Variants in USP14 observed in about 807,000 individuals in gnomAD.
The protein encoded by USP14 is ubiquitin carboxyl-terminal hydrolase 14.
A neutral mutation model predicts 76.5 loss-of-function variants in USP14; 38 were observed. The ratio of observed to expected loss-of-function variants is 0.50; its 90% CI spans 0.38 to 0.65. The LOEUF (loss-of-function observed/expected upper bound fraction) is 0.65. USP14 is among the 30% of genes least tolerant of loss of function. USP14 has a pLI of 0.00. For missense variants in USP14, 467 were observed against 586.5 expected (o/e 0.80, Z 2.10); for synonymous variants, 192 against 191.7 (o/e 1.00, Z -0.01).
At chr18:164,697 G>A (rs1909220684) in intron 2 of USP14, among the ~76,000 whole-genome samples, 1 of 152,036 alleles carries the variant, frequency 6.6e-6, no homozygotes, top group African/African-American at 2.4e-5. Context: ...CAAGTGATCT[G>A]CCCACCTTGG....
intron 13 of USP14, among the ~76,000 whole-genome samples, chr18:205,171 C>G (rs146296760): frequency 1.3e-5 from 2 of 152,302 alleles, no homozygotes; most frequent in African/African-American, 2.4e-5. Context: ...GGCACCACAC[C>G]TGGCCTTTAG....
rs1910718847 is a variant in USP14 at position 213,124 on chromosome 18, A to G, written c.*1840A>G. On this transcript the variant is annotated 3_prime_UTR_variant, in exon 16 of 16. Coordinates refer to ENST00000261601, the MANE Select transcript of USP14 (RefSeq NM_005151.4). Reference sequence around the variant, plus strand: ...CCATGAAAATTATAATGATTCATGTATATTTGTATGATGCTTGTAACTTTG... The same window carrying G: ...CCATGAAAATTATAATGATTCATGTGTATTTGTATGATGCTTGTAACTTTG... 6.6e-6 allele frequency: 1 copy of G among 152,130 alleles called. No homozygotes were observed. The highest frequency in any genetic ancestry group is 1.5e-5 in the Non-Finnish European group (1 of 68,024). The allele number at this position is 152,130 out of a possible 1,614,324, so 9.4% of individuals were successfully genotyped here. A position where few individuals can be genotyped will look rare whatever the true frequency, so the allele number is the denominator to read the frequency against.
At chr18:209,386 G>T (rs1277706218) in intron 13 of USP14, among the ~76,000 whole-genome samples, 1 of 152,138 alleles carries the variant, frequency 6.6e-6, no homozygotes, top group African/African-American at 2.4e-5. Context: ...TGTATTCCTA[G>T]ATAAGTTATT....
At chr18:169,496 T>C (rs758534846) in intron 3 of USP14, among the ~76,000 whole-genome samples, 5 of 152,154 alleles carry the variant, frequency 3.3e-5, no homozygotes, top group Non-Finnish European at 7.4e-5. Flanking sequence ...TTTTTTTTCT[T>C]TTTTTCTGTT....
rs117405005 is a variant in USP14, at chr18:178,216, C to T, written c.196-717C>T. ...GGTATTTTTTGTAGAGATGGGATTT[C>T]GCCATGTTGCCCAGGCTAGTCTTGA... On this transcript the variant is annotated intron_variant, in intron 3 of 15. Coordinates refer to ENST00000261601, the MANE Select transcript of USP14 (RefSeq NM_005151.4). 6.2e-3 allele frequency among the ~76,000 whole-genome samples: 936 copies of T among 152,170 alleles called. 35 individuals carry two copies. Among genetic ancestry groups the T allele is most frequent in the Admixed American group, 0.051 (776 of 15,268 alleles).
intron 3 of USP14, among the ~76,000 whole-genome samples, chr18:173,232 C>T (rs1268452305): frequency 2.6e-5 from 4 of 151,096 alleles, no homozygotes; most frequent in Non-Finnish European, 3.0e-5. Flanking sequence ...CTCAGCCTCC[C>T]GAGTAGCTGG....
chr18:199,313 A>T lies in USP14; in HGVS notation c.873A>T (p.Lys291Asn). Residue 291 changes from lysine to asparagine, a missense_variant, in exon 10 of 16, where the codon AAA (lysine) becomes AAT (asparagine). By Grantham distance (94) the Lys-to-Asn change is moderately conservative. Coordinates refer to ENST00000261601, the MANE Select transcript of USP14 (RefSeq NM_005151.4). Reference sequence around the variant, plus strand: ...TCAAGTATCTTTTTACAGGACTTAAATTGGTAAGGACAATCTCAGTCCATC... The same window carrying T: ...TCAAGTATCTTTTTACAGGACTTAATTTGGTAAGGACAATCTCAGTCCATC... ...QEVKYLFTGL[K>N]LRLQEEITKQ... is the part of the protein sequence containing the mutation. The T allele has an allele frequency of 6.2e-7, 1 of 1,600,362 alleles. No homozygotes were observed. Among genetic ancestry groups the T allele is most frequent in the Non-Finnish European group, 8.6e-7 (1 of 1,167,872 alleles).
chr18:169,205 A>G (rs1310241800), intron 3 of USP14, among the ~76,000 whole-genome samples: 3 of 152,042 alleles, frequency 2.0e-5, no homozygotes, highest in Admixed American at 1.3e-4. Context: ...AGCCTGGCCA[A>G]CATGGTGAAA....
At position 210,580 on chromosome 18, in the gene USP14, T is replaced by C. The variant is rs993753415; in HGVS notation, c.1333+87T>C. On this transcript the variant is annotated intron_variant, in intron 15 of 15. Coordinates refer to ENST00000261601, the MANE Select transcript of USP14 (RefSeq NM_005151.4). Reference sequence around the variant, plus strand: ...TTATAGCAGTGTGGTTTTCAAACTTTGGGTCTCAGAACCACTTTACATTCT... The same window carrying C: ...TTATAGCAGTGTGGTTTTCAAACTTCGGGTCTCAGAACCACTTTACATTCT... 52 of 996,790 alleles carry C rather than the reference T, an allele frequency of 5.2e-5. No individual in the cohort carries two copies. The East Asian group carries it at 1.4e-3, about 27-fold the overall frequency. The allele number at this position is 996,790 out of a possible 1,614,324, so 61.7% of individuals were successfully genotyped here. A position where few individuals can be genotyped will look rare whatever the true frequency, so the allele number is the denominator to read the frequency against.
In USP14 at chr18:214,015, G is replaced by T. The variant is rs1910767166; in HGVS notation, c.*2731G>T. The T allele has an allele frequency of 7.3e-6, 1 of 137,210 alleles. No individual in the cohort carries two copies. Among genetic ancestry groups the T allele is most frequent in the Non-Finnish European group, 1.6e-5 (1 of 60,738 alleles). The allele number at this position is 137,210 out of a possible 1,614,324, so 8.5% of individuals were successfully genotyped here. On this transcript the variant is annotated 3_prime_UTR_variant, in exon 16 of 16. Coordinates refer to ENST00000261601, the MANE Select transcript of USP14 (RefSeq NM_005151.4). ...GATAGATAGATGATGATTGATTGATGATTGATAGTAAATTATTTCAGGCTT... is the reference window on the plus strand; with the variant it reads ...GATAGATAGATGATGATTGATTGATTATTGATAGTAAATTATTTCAGGCTT...
rs551416331 is a variant in USP14, at chr18:187,639, T to C, written c.405-5203T>C. The stretch of plus-strand genomic sequence containing the variant: ...TTCACGTGTTTTATTTCCAACTGTT[T>C]TGAATTTTTGTATTTTGTAATGTTA... On this transcript the variant is annotated intron_variant, in intron 5 of 15. Coordinates refer to ENST00000261601, the MANE Select transcript of USP14 (RefSeq NM_005151.4). Among the ~76,000 whole-genome samples the C allele has an allele frequency of 1.7e-4, 26 of 152,270 alleles. 2 individuals carry two copies. In the South Asian group the frequency reaches 3.1e-3, roughly 18 times the overall value.
At chr18:177,782 T>G (rs1317148694) in intron 3 of USP14, among the ~76,000 whole-genome samples, 1 of 152,158 alleles carries the variant, frequency 6.6e-6, no homozygotes, top group Non-Finnish European at 1.5e-5. Flanking sequence ...GTCTTCCTTG[T>G]CTTTCTATTG....
At chr18:168,001 G>A (rs1026023381) in intron 3 of USP14, among the ~76,000 whole-genome samples, 7 of 143,926 alleles carry the variant, frequency 4.9e-5, no homozygotes, top group Admixed American at 2.9e-4. Flanking sequence ...GCAATGGCGC[G>A]ATCTCGGCTC....
At chr18:189,622 A>G (rs1910031704) in intron 5 of USP14, among the ~76,000 whole-genome samples, 1 of 152,052 alleles carries the variant, frequency 6.6e-6, no homozygotes, top group Non-Finnish European at 1.5e-5. Context: ...AGCTGGGACT[A>G]CAGGCGCGTG....
chr18:178,902 AT>A (rs1474290598), intron 3 of USP14, 30 bp from the exon 4 acceptor site: 4 of 1,546,136 alleles, frequency 2.6e-6, no homozygotes, highest in Admixed American at 1.9e-5. Flanking sequence ...ACTTTTAAGG[AT>A]TTTCATGAAA....
chr18:189,043 C>T (rs1283584160), intron 5 of USP14, among the ~76,000 whole-genome samples: 1 of 151,940 alleles, frequency 6.6e-6, no homozygotes, highest in Non-Finnish European at 1.5e-5. Flanking sequence ...TATTTTCCTA[C>T]AAAATTGTCC....
chr18:201,486 A>G (rs1419339378), intron 10 of USP14, among the ~76,000 whole-genome samples: 1 of 152,252 alleles, frequency 6.6e-6, no homozygotes. Context: ...GTTAAAGGGC[A>G]TAAGAAGAAG....
intron 15 of USP14, among the ~76,000 whole-genome samples, 171 bp downstream of exon 15, chr18:210,664 GAAATT>G (rs1171107567): frequency 2.0e-5 from 3 of 152,072 alleles, no homozygotes; most frequent in Non-Finnish European, 4.4e-5. Context: ...TACTGTATTA[GAAATT>G]AAAACTGAGA....
intron 4 of USP14, among the ~76,000 whole-genome samples, chr18:179,771 T>A (rs1414213925): frequency 6.6e-6 from 1 of 151,064 alleles, no homozygotes; most frequent in Non-Finnish European, 1.5e-5. Flanking sequence ...AAAAAATTTT[T>A]TTTTTTTTTT....
Sources: allele counts gnomAD v4.1 joint callset (sites outside exome capture counted in the v4.1 genomes callset), GRCh38; gene constraint gnomAD v4.1.1; transcripts MANE v1.5; gene names NCBI Gene and HGNC (gene_info 2026-07-23, HGNC 2026-07-21).